ITGAM: variants seen among roughly 807,000 people sequenced by gnomAD.
ITGAM encodes the protein integrin alpha-M.
In ITGAM, 79 loss-of-function variants were observed where a neutral mutation model predicts 137.5. That is an observed-to-expected ratio of 0.57 (90% CI 0.48 to 0.69). The LOEUF (loss-of-function observed/expected upper bound fraction) is 0.69. Ranked by LOEUF, ITGAM falls within the 30% of genes least tolerant of loss-of-function variation. ITGAM has a pLI of 0.00. For synonymous variants in ITGAM, 583 were observed against 592.3 expected, an observed-to-expected ratio of 0.98 and a Z score of 0.23; for missense variants, 1,343 against 1,483.5, an observed-to-expected ratio of 0.91 and a Z score of 1.56.
At chr16:31,281,423 C>T (rs956592195) in intron 12 of ITGAM, among the ~76,000 whole-genome samples, 1 of 152,168 alleles carries the variant, frequency 6.6e-6, no homozygotes, top group Non-Finnish European at 1.5e-5. Flanking sequence ...TTCAGAGATT[C>T]AACTTCTTCC....
chr16:31,275,501 A>G (rs183460835), intron 8 of ITGAM, 48 bp from the exon 9 acceptor site: 3 of 1,586,396 alleles, frequency 1.9e-6, no homozygotes, highest in Admixed American at 1.7e-5. Flanking sequence ...TTGCCAGATG[A>G]TATTGCTAGC....
intron 1 of ITGAM, among the ~76,000 whole-genome samples, chr16:31,260,671 G>A (rs1487907486): frequency 3.3e-5 from 5 of 152,282 alleles, no homozygotes; most frequent in Middle Eastern, 3.4e-3. Context: ...TTGTGACACC[G>A]GGGGAAGAAG....
chr16:31,263,759 A>T, intron 2 of ITGAM, among the ~76,000 whole-genome samples: 3 of 144,014 alleles, frequency 2.1e-5, no homozygotes, highest in African/African-American at 2.6e-5. Context: ...CTTGTGTATT[A>T]TTTTTCTTTT....
At chr16:31,322,677 C>G (rs1381214162) in intron 16 of ITGAM, among the ~76,000 whole-genome samples, 2 of 152,028 alleles carry the variant, frequency 1.3e-5, no homozygotes, top group African/African-American at 4.8e-5. Flanking sequence ...ACAGGTGATT[C>G]AGAAATTAGA....
intron 12 of ITGAM, among the ~76,000 whole-genome samples, chr16:31,287,373 A>G (rs1428502065): frequency 6.6e-6 from 1 of 152,072 alleles, no homozygotes; most frequent in Non-Finnish European, 1.5e-5. Context: ...GTTCCGTATT[A>G]ATTTTAGAAT....
At position 31,297,921 on chromosome 16, in the gene ITGAM, C is replaced by T. The variant is rs752846498; in HGVS notation, c.1674C>T (p.Thr558=). The T allele has an allele frequency of 3.0e-5, 49 of 1,613,850 alleles. 1 individual carries two copies. In the South Asian group the frequency reaches 4.9e-4, roughly 16 times the overall value. The part of the protein sequence containing the change: ...NRGAVYLFHG[T]SGSGISPSHS... The stretch of plus-strand genomic sequence containing the variant: ...GTGCTGTTTACCTGTTTCACGGAAC[C>T]TCAGGATCTGGCATCAGCCCCTCCC... The change falls in exon 14 of 30, where the codon ACC becomes ACT. Residue 558 remains threonine, a synonymous_variant. Transcript: ENST00000544665.
chr16:31,299,348 C>T (rs549092936), intron 14 of ITGAM, among the ~76,000 whole-genome samples: 3 of 152,204 alleles, frequency 2.0e-5, no homozygotes, highest in East Asian at 3.9e-4. Context: ...TTCAGTCTGT[C>T]GCCCAGGCTG....
At position 31,331,972 on chromosome 16, in the gene ITGAM, T is replaced by C. The variant is rs537600324; in HGVS notation, c.*265T>C. ...AAGTATGTGAGTGTGTCCAAGTGTG[T>C]GTGCGTGTGTCCATGTGTGTGCAAG... On this transcript the variant is annotated 3_prime_UTR_variant, in exon 30 of 30. Transcript: ENST00000544665. The C allele has an allele frequency of 2.7e-4, 144 of 526,786 alleles. 1 individual carries two copies. The highest frequency in any genetic ancestry group is 2.0e-3 in the African/African-American group (100 of 51,082). 32.6% of individuals were successfully genotyped at this position (526,786 alleles called of 1,614,324 possible).
chr16:31,261,363 G>T (rs1370752395), intron 1 of ITGAM, among the ~76,000 whole-genome samples: 2 of 151,606 alleles, frequency 1.3e-5, no homozygotes, highest in Non-Finnish European at 2.9e-5. Flanking sequence ...TTTATTTTTT[G>T]TAGAGATGGG....
At position 31,312,325 on chromosome 16, in the gene ITGAM, A is replaced by G. The variant is rs148553391; in HGVS notation, c.1708-8916A>G. On this transcript the variant is annotated intron_variant, in intron 14 of 29. Coordinates refer to ENST00000544665, the MANE Select transcript of ITGAM (RefSeq NM_000632.4). ...AAAAGAAAAGAAATCCAATGAATCA[A>G]TTAATGCTATCAACAAAGAACATGC... Among the ~76,000 whole-genome samples the G allele has an allele frequency of 3.9e-4, 60 of 152,338 alleles. No individual in the cohort carries two copies. In the East Asian group the frequency reaches 0.011, roughly 28 times the overall value.
chr16:31,302,692 G>C (rs780577531), intron 14 of ITGAM, among the ~76,000 whole-genome samples: 1 of 150,246 alleles, frequency 6.7e-6, no homozygotes, highest in Non-Finnish European at 1.5e-5. Context: ...CCGCCACTAC[G>C]CCTGGCTAAT....
At chr16:31,329,375 CAG>C (rs2080551433) in intron 24 of ITGAM, 72 bp downstream of exon 24, 1 of 1,145,962 alleles carries the variant, frequency 8.7e-7, no homozygotes, top group African/African-American at 1.5e-5. Context: ...AATGCAGAAA[CAG>C]GGATGGGAAA....
chr16:31,265,894 C>A lies in ITGAM; in HGVS notation c.309+13C>A, dbSNP rs548476788. Reference sequence around the variant, plus strand: ...CCCTCAGCTGCTGGTGAGTGGGGCTCGATCAGAGGAGCATCCTAATGGGGG... The same window carrying A: ...CCCTCAGCTGCTGGTGAGTGGGGCTAGATCAGAGGAGCATCCTAATGGGGG... On this transcript the variant is annotated intron_variant, in intron 4 of 29. Transcript: ENST00000544665. 1 of 1,612,708 alleles carries A rather than the reference C, an allele frequency of 6.2e-7. No homozygotes were observed. Among genetic ancestry groups the A allele is most frequent in the South Asian group, 1.1e-5 (1 of 91,042 alleles).
At chr16:31,298,328 T>C (rs1379026299) in intron 14 of ITGAM, among the ~76,000 whole-genome samples, 3 of 152,046 alleles carry the variant, frequency 2.0e-5, no homozygotes, top group Non-Finnish European at 2.9e-5. Flanking sequence ...CAGTGAGTCC[T>C]GGTCACACCA....
At chr16:31,295,507 T>G (rs1160202621) in intron 12 of ITGAM, among the ~76,000 whole-genome samples, 1 of 151,856 alleles carries the variant, frequency 6.6e-6, no homozygotes, top group African/African-American at 2.4e-5. Flanking sequence ...TGTTAGTGTA[T>G]AGAAGCACTA....
chr16:31,319,546 T>C (rs2080426179), intron 14 of ITGAM, among the ~76,000 whole-genome samples: 1 of 152,220 alleles, frequency 6.6e-6, no homozygotes, highest in South Asian at 2.1e-4. Context: ...TTTTAGCCTA[T>C]GTGTCAGTAA....
At chr16:31,321,873 C>T (rs542909317) in intron 16 of ITGAM, among the ~76,000 whole-genome samples, 2 of 152,220 alleles carry the variant, frequency 1.3e-5, no homozygotes, top group South Asian at 4.2e-4. Context: ...AACTGAAGGC[C>T]CCATGCCTGT....
At chr16:31,281,144 G>A (rs182110484) in intron 12 of ITGAM, among the ~76,000 whole-genome samples, 76 of 152,154 alleles carry the variant, frequency 5.0e-4, no homozygotes, top group African/African-American at 1.5e-3. Flanking sequence ...GGATTTCTGC[G>A]TTGATGTTCA....
intron 12 of ITGAM, among the ~76,000 whole-genome samples, chr16:31,285,802 C>CTTTT (rs909613572): frequency 7.0e-6 from 1 of 143,682 alleles, no homozygotes; most frequent in South Asian, 2.2e-4. Context: ...TTTTCTCTCT[C>CTTTT]TTTTTTTTTT....
Sources: gnomAD v4.1 joint callset for allele counts (sites outside exome capture counted in the v4.1 genomes callset) on GRCh38, gnomAD v4.1.1 for gene constraint, MANE v1.5 for transcripts, NCBI Gene and HGNC (gene_info 2026-07-23, HGNC 2026-07-21) for gene names.